Variants in C2CD5 observed in about 807,000 individuals in gnomAD.
C2CD5 encodes the protein C2 calcium dependent domain containing 5.
C2CD5 carries 109 observed loss-of-function variants against 130.3 expected under a neutral mutation model. That is an observed-to-expected ratio of 0.84 (90% confidence interval 0.72 to 0.98). The LOEUF (loss-of-function observed/expected upper bound fraction) is 0.98, where lower values mean the gene tolerates loss of function less well. Among genes scored for constraint, C2CD5 ranks in the 50% least tolerant of loss-of-function variants. C2CD5 has a pLI of 0.00. For synonymous variants in C2CD5, 454 were observed against 429.2 expected (o/e 1.06, Z -0.71); for missense variants, 996 against 1,261.8 (o/e 0.79, Z 3.19).
intron 9 of C2CD5, among the ~76,000 whole-genome samples, chr12:22,507,772 T>TA (rs1565753699): frequency 6.6e-6 from 1 of 152,154 alleles, no homozygotes; most frequent in African/African-American, 2.4e-5. Context: ...ATTTAGAACA[T>TA]AATTGAGCAT....
chr12:22,489,769 C>T (rs1946098221), intron 12 of C2CD5, among the ~76,000 whole-genome samples: 1 of 151,946 alleles, frequency 6.6e-6, no homozygotes, highest in Admixed American at 6.6e-5. Context: ...GTTTCATAAC[C>T]TCTTTCTGTT....
rs775622262 is a variant in C2CD5, at chr12:22,525,699, C to G, written c.356G>C (p.Arg119Pro). The G allele has an allele frequency of 1.4e-6, 2 of 1,472,704 alleles. No homozygotes were observed. The highest frequency in any genetic ancestry group is 1.7e-5 in the Admixed American group (1 of 59,160). The allele number at this position is 1,472,704 out of a possible 1,614,324, so 91.2% of individuals were successfully genotyped here. The change falls in exon 5 of 27, where the codon CGT becomes CCT. Residue 119 changes from arginine to proline, a missense_variant. Arg to Pro is a moderately radical substitution (Grantham distance 103, BLOSUM62 -2). Around this residue, in one of 9 missense-constraint regions of C2CD5, gnomAD observed 68 missense variants for 154.5 expected, o/e 0.44. Transcript: ENST00000446597. ...TTTGACAACTACATTGATTTCCCCA[C>G]GGATACCTATAAATTTAAAAAGAAA... ...FPIYDTIHGI[R>P]GEINVVVKVD...
At chr12:22,484,956 T>A (rs1379522708) in intron 12 of C2CD5, 68 bp from the exon 13 acceptor site, 2 of 705,284 alleles carry the variant, frequency 2.8e-6, no homozygotes, top group Non-Finnish European at 4.3e-6. Context: ...AATAATTATG[T>A]AACTGATATT....
At chr12:22,492,645 C>T (rs1404321830) in intron 11 of C2CD5, among the ~76,000 whole-genome samples, 3 of 151,880 alleles carry the variant, frequency 2.0e-5, no homozygotes, top group African/African-American at 4.8e-5. Flanking sequence ...GGAACAGTAG[C>T]GTGGCATGTA....
Position 22,508,927 on chromosome 12 carries a change from A to C in C2CD5, c.1039-2108T>G, listed in dbSNP as rs1036756309. On this transcript the variant is annotated intron_variant, in intron 9 of 26. Transcript: ENST00000446597. ...CTCTGTCGCCCAGGCCAGACTGCGG[A>C]CTGCAGTGGCGCAATCTCGGCTCAC... Among the ~76,000 whole-genome samples the C allele has an allele frequency of 2.7e-3, 397 of 148,382 alleles. 1 individual carries two copies. The highest frequency in any genetic ancestry group is 9.6e-3 in the African/African-American group (383 of 39,702).
chr12:22,506,855 G>C (rs774389424), intron 9 of C2CD5, 36 bp from the exon 10 acceptor site: 1 of 1,243,990 alleles, frequency 8.0e-7, no homozygotes, highest in Non-Finnish European at 1.2e-6. Context: ...ACAACTTATC[G>C]TGTGTAGAGT....
At chr12:22,531,687 CTG>C (rs1324846640) in intron 3 of C2CD5, among the ~76,000 whole-genome samples, 1 of 152,202 alleles carries the variant, frequency 6.6e-6, no homozygotes, top group African/African-American at 2.4e-5. Context: ...TTAAGAATAA[CTG>C]TTTCTATAAC....
chr12:22,463,332 A>G (rs1941522314), intron 22 of C2CD5: 1 of 152,148 alleles, frequency 6.6e-6, no homozygotes, highest in South Asian at 2.1e-4. Context: ...CAAAGGTTGC[A>G]GTGACCCAAG....
chr12:22,530,426 T>C (rs1263678508), intron 3 of C2CD5, among the ~76,000 whole-genome samples: 2 of 151,602 alleles, frequency 1.3e-5, no homozygotes, highest in Non-Finnish European at 2.9e-5. Context: ...ATATATATTA[T>C]TCGGGAAGAC....
chr12:22,471,993 T>A lies in C2CD5; in HGVS notation c.2242A>T (p.Asn748Tyr), dbSNP rs1260365042. The change falls in exon 19 of 27, where the codon AAT becomes TAT. Residue 748 changes from asparagine (N) to tyrosine (Y), a missense_variant. Physicochemically the swap from Asn to Tyr is moderately radical, Grantham distance 143 (BLOSUM62 -2). Coordinates refer to ENST00000446597, the MANE Select transcript of C2CD5 (RefSeq NM_001286176.2). ...TTGAGCAAATTTTCACAGAGATCATTAAAGTTCTTATTGAGAGCTTGATTA... is the reference window on the plus strand; with the variant it reads ...TTGAGCAAATTTTCACAGAGATCATAAAAGTTCTTATTGAGAGCTTGATTA... ...LTNQALNKNF[N>Y]DLCENLLKSL... 1.9e-6 allele frequency: 3 copies of A among 1,607,440 alleles called. No individual in the cohort carries two copies. In the East Asian group the frequency reaches 6.7e-5, roughly 36 times the overall value.
At chr12:22,533,298 T>A (rs1460071907) in intron 3 of C2CD5, among the ~76,000 whole-genome samples, 1 of 152,188 alleles carries the variant, frequency 6.6e-6, no homozygotes, top group Non-Finnish European at 1.5e-5. Flanking sequence ...CTGAGTCATC[T>A]TAAAATAAAA....
intron 10 of C2CD5, among the ~76,000 whole-genome samples, chr12:22,505,257 T>TC (rs1160184837): frequency 6.9e-6 from 1 of 144,288 alleles, no homozygotes; most frequent in Admixed American, 6.8e-5. Context: ...TTTCTTTCTT[T>TC]TTTTTTTTTT....
At chr12:22,539,673 G>A (rs890434896) in intron 2 of C2CD5, among the ~76,000 whole-genome samples, 1 of 152,160 alleles carries the variant, frequency 6.6e-6, no homozygotes, top group African/African-American at 2.4e-5. Context: ...TTTCAAATGT[G>A]CCACTAGATA....
At chr12:22,517,647 C>T (rs1949868660) in intron 8 of C2CD5, among the ~76,000 whole-genome samples, 1 of 152,032 alleles carries the variant, frequency 6.6e-6, no homozygotes, top group African/African-American at 2.4e-5. Context: ...TGCTTGTATG[C>T]AATTGATTGC....
chr12:22,492,490 A>AT (rs1946477236), intron 11 of C2CD5, among the ~76,000 whole-genome samples: 1 of 152,172 alleles, frequency 6.6e-6, no homozygotes, highest in South Asian at 2.1e-4. Flanking sequence ...GGTCCAAAAT[A>AT]TGGTTGAAAG....
At chr12:22,495,855 C>A (rs1368656213) in intron 10 of C2CD5, among the ~76,000 whole-genome samples, 1 of 151,914 alleles carries the variant, frequency 6.6e-6, no homozygotes, top group African/African-American at 2.4e-5. Context: ...CATACAGGAG[C>A]CAGAAACAGT....
chr12:22,513,513 CAAAT>C, intron 8 of C2CD5, 134 bp from the exon 9 acceptor site: 1 of 660,404 alleles, frequency 1.5e-6, no homozygotes, highest in Non-Finnish European at 2.8e-6. Flanking sequence ...CTGGGGATGA[CAAAT>C]AAAGCACATA....
At chr12:22,493,538 C>G (rs1049077137) in intron 10 of C2CD5, among the ~76,000 whole-genome samples, 5 of 151,998 alleles carry the variant, frequency 3.3e-5, no homozygotes, top group Admixed American at 1.3e-4. Flanking sequence ...AACAAACCAC[C>G]TATCTGTATT....
At chr12:22,535,026 AATAAT>A in intron 3 of C2CD5, 1 of 324,544 alleles carries the variant, frequency 3.1e-6, no homozygotes, top group Non-Finnish European at 5.6e-6. Context: ...CTACAATAAT[AATAAT>A]ATAATACATC....
Sources: gnomAD v4.1 joint callset for allele counts (sites outside exome capture counted in the v4.1 genomes callset) on GRCh38, gnomAD v4.1.1 for gene constraint, gnomAD v4.1.1 regional missense constraint, MANE v1.5 for transcripts, NCBI Gene and HGNC (gene_info 2026-07-23, HGNC 2026-07-21) for gene names.